The following ENTPD6 variants were observed in gnomAD, a reference collection of about 807,000 sequenced individuals.
ENTPD6 encodes CD39 antigen-like 2.
Under a neutral mutation model 61.5 loss-of-function variants are expected in ENTPD6, and 46 were observed. The observed-to-expected ratio is 0.75, with a 90% CI of 0.59 to 0.96. The LOEUF (loss-of-function observed/expected upper bound fraction) is 0.96, where lower values mean the gene tolerates loss of function less well. Ranked by LOEUF, ENTPD6 falls within the 40% of genes least tolerant of loss-of-function variation. ENTPD6 has a pLI of 0.00. For synonymous variants in ENTPD6, 252 were observed against 255.5 expected, an observed-to-expected ratio of 0.99 and a Z score of 0.13; for missense variants, 612 against 629.0, an observed-to-expected ratio of 0.97 and a Z score of 0.29.
At position 25,196,524 on chromosome 20, in the gene ENTPD6, A is replaced by G. The variant is rs189453605; in HGVS notation, c.-16+657A>G. On this transcript the variant is annotated intron_variant, in intron 1 of 14. Transcript: ENST00000376652. ...GCGTGGAAGGGAGGGTGTTTTTATT[A>G]TAAGTGCACCTGTAAGTGCAAAGTG... Among the ~76,000 whole-genome samples, 166 of 152,308 alleles carry G rather than the reference A, an allele frequency of 1.1e-3. 1 individual carries two copies. The highest frequency in any genetic ancestry group is 2.0e-3 in the Non-Finnish European group (135 of 68,030).
intron 1 of ENTPD6, among the ~76,000 whole-genome samples, chr20:25,201,796 G>A (rs1284650998): frequency 1.3e-5 from 2 of 152,172 alleles, no homozygotes; most frequent in Non-Finnish European, 1.5e-5. Context: ...GCTTACTGCA[G>A]CCTTGAACTC....
At chr20:25,207,652 C>T (rs1420556426) in intron 3 of ENTPD6, among the ~76,000 whole-genome samples, 1 of 152,200 alleles carries the variant, frequency 6.6e-6, no homozygotes, top group East Asian at 1.9e-4. Flanking sequence ...TCCCCACATT[C>T]ACCAGCAGGT....
chr20:25,222,913 T>C lies in ENTPD6; in HGVS notation c.1121T>C (p.Val374Ala). 1 of 1,614,026 alleles carries C rather than the reference T, an allele frequency of 6.2e-7. No individual in the cohort carries two copies. The highest frequency in any genetic ancestry group is 8.5e-7 in the Non-Finnish European group (1 of 1,180,022). ...AACAGAGTGCACAGGACGGAGGAAG[T>C]GAAGCATGTGGACTTCTATGCTTTC... is the stretch of plus-strand genomic sequence containing the variant. ...LQNRVHRTEE[V>A]KHVDFYAFSY... Residue 374 changes from valine (V) to alanine (A), a missense_variant, in exon 12 of 15, where the codon GTG (valine) becomes GCG (alanine). Transcript: ENST00000376652.
chr20:25,207,062 C>T lies in ENTPD6; in HGVS notation c.55-14C>T, dbSNP rs1196650660. 1.9e-6 allele frequency: 3 copies of T among 1,589,388 alleles called. No individual in the cohort carries two copies. Among genetic ancestry groups the T allele is most frequent in the Middle Eastern group, 1.7e-4 (1 of 5,966 alleles). On this transcript the variant is annotated splice_polypyrimidine_tract_variant and intron_variant, in intron 2 of 14. Coordinates refer to ENST00000376652, the MANE Select transcript of ENTPD6 (RefSeq NM_001247.5). ...CCTAACGTGCTTTTCCTGCCTCTCC[C>T]CCCTTCCCACCAGCAGCCGCAGCAC...
chr20:25,195,912 C>G (rs2090333791), intron 1 of ENTPD6, 45 bp downstream of exon 1: 32 of 1,219,874 alleles, frequency 2.6e-5, no homozygotes, highest in Non-Finnish European at 3.3e-5. Context: ...CGGGGATCAC[C>G]GACTGTAGGC....
At chr20:25,204,598 C>T (rs2091311477) in intron 1 of ENTPD6, among the ~76,000 whole-genome samples, 1 of 152,146 alleles carries the variant, frequency 6.6e-6, no homozygotes, top group South Asian at 2.1e-4. Context: ...AGTCATCCTA[C>T]AGCTTTGCCT....
At chr20:25,201,366 A>G (rs2091018085) in intron 1 of ENTPD6, among the ~76,000 whole-genome samples, 1 of 152,188 alleles carries the variant, frequency 6.6e-6, no homozygotes, top group Non-Finnish European at 1.5e-5. Context: ...TCCTAGTATA[A>G]TAATATTACT....
chr20:25,201,006 G>A (rs6050428), intron 1 of ENTPD6, among the ~76,000 whole-genome samples: 21,306 of 152,132 alleles, frequency 0.14, 4,074 homozygotes, highest in African/African-American at 0.44. Context: ...GGAAGGTTGT[G>A]TTTTTGTTTT....
chr20:25,207,143 C>T lies in ENTPD6; in HGVS notation c.122C>T (p.Ala41Val), dbSNP rs756830166. ...KISNHGSLRV[A>V]KVAYPLGLCV... ...TCCAACCACGGGAGCCTGCGGGTGG[C>T]GAAGGTGGCATACCCCCTGGGGCTG... The change falls in exon 3 of 15, where the codon GCG becomes GTG. Residue 41 changes from alanine to valine, a missense_variant. Ala to Val is a moderately conservative substitution (Grantham distance 64). Transcript: ENST00000376652. The T allele has an allele frequency of 6.8e-6, 11 of 1,613,808 alleles. No individual in the cohort carries two copies. Among genetic ancestry groups the T allele is most frequent in the South Asian group, 6.6e-5 (6 of 91,072 alleles).
At position 25,222,911 on chromosome 20, in the gene ENTPD6, A is replaced by G; in HGVS notation, c.1119A>G (p.Glu373=). ...VLQNRVHRTE[E]VKHVDFYAFS... Reference sequence around the variant, plus strand: ...AAAACAGAGTGCACAGGACGGAGGAAGTGAAGCATGTGGACTTCTATGCTT... The same window carrying G: ...AAAACAGAGTGCACAGGACGGAGGAGGTGAAGCATGTGGACTTCTATGCTT... Residue 373 remains glutamate (E), a synonymous_variant, in exon 12 of 15, where the codon GAA becomes GAG. Transcript: ENST00000376652. The G allele has an allele frequency of 1.2e-6, 2 of 1,612,280 alleles. No individual in the cohort carries two copies. The highest frequency in any genetic ancestry group is 1.7e-6 in the Non-Finnish European group (2 of 1,178,876).
intron 1 of ENTPD6, among the ~76,000 whole-genome samples, chr20:25,205,519 CAG>C (rs2091410340): frequency 1.3e-5 from 2 of 151,950 alleles, no homozygotes; most frequent in Admixed American, 1.3e-4. Flanking sequence ...CCAGCAGGGA[CAG>C]GGGCCGGCAG....
At chr20:25,222,707 T>TA in intron 11 of ENTPD6, 131 bp from the exon 12 acceptor site, 1 of 1,279,204 alleles carries the variant, frequency 7.8e-7, no homozygotes, top group African/African-American at 1.5e-5. Context: ...GGTGGGGTCT[T>TA]ACAGGCTTCT....
chr20:25,197,098 G>A, intron 1 of ENTPD6: 1 of 985,402 alleles, frequency 1.0e-6, no homozygotes, highest in Non-Finnish European at 1.2e-6. Context: ...TTCATTTTTT[G>A]ATACAGCGTG....
chr20:25,209,333 A>G (rs961749789), intron 3 of ENTPD6, among the ~76,000 whole-genome samples: 4 of 151,638 alleles, frequency 2.6e-5, no homozygotes, highest in African/African-American at 9.7e-5. Context: ...GATGGTCTCG[A>G]ACTCCTGACC....
chr20:25,215,278 T>C (rs2092251039), intron 6 of ENTPD6, among the ~76,000 whole-genome samples: 1 of 152,212 alleles, frequency 6.6e-6, no homozygotes, highest in Non-Finnish European at 1.5e-5. Context: ...AGAATGTTGT[T>C]GCGTTGTTAA....
chr20:25,196,910 A>G (rs2090490890), intron 1 of ENTPD6, among the ~76,000 whole-genome samples: 1 of 152,028 alleles, frequency 6.6e-6, no homozygotes, highest in South Asian at 2.1e-4. Context: ...CGGGTAAAGG[A>G]CCAGGGAGGT....
chr20:25,199,429 G>A (rs2090840604), intron 1 of ENTPD6, among the ~76,000 whole-genome samples: 2 of 152,254 alleles, frequency 1.3e-5, no homozygotes, highest in African/African-American at 4.8e-5. Context: ...CCTTAAGTCC[G>A]ATACCCACAG....
intron 4 of ENTPD6, among the ~76,000 whole-genome samples, chr20:25,211,592 G>T (rs1408893886): frequency 2.6e-5 from 4 of 152,208 alleles, no homozygotes; most frequent in African/African-American, 9.7e-5. Context: ...TGCTGAGCAG[G>T]ATAATTAGAG....
At chr20:25,210,387 T>TG (rs1446624646) in intron 4 of ENTPD6, among the ~76,000 whole-genome samples, 1 of 152,158 alleles carries the variant, frequency 6.6e-6, no homozygotes, top group East Asian at 1.9e-4. Flanking sequence ...GGCTCACACT[T>TG]GCAATCCCAG....
Sources: allele counts gnomAD v4.1 joint callset (sites outside exome capture counted in the v4.1 genomes callset), GRCh38; gene constraint gnomAD v4.1.1; transcripts MANE v1.5; gene names NCBI Gene and HGNC (gene_info 2026-07-23, HGNC 2026-07-21).